PDCD5: variants seen among roughly 807,000 people sequenced by gnomAD.
The protein encoded by PDCD5 is programmed cell death 5.
PDCD5 carries 23 observed loss-of-function variants against 21.9 expected under a neutral mutation model. The observed-to-expected ratio is 1.05, with a 90% CI of 0.76 to 1.49. PDCD5 has a LOEUF of 1.49. Among genes scored for constraint, PDCD5 ranks in the 40% most tolerant of loss-of-function variants. The pLI, the probability that PDCD5 is intolerant of heterozygous loss-of-function variation, is 0.00. For synonymous variants in PDCD5, 45 were observed against 49.4 expected, an observed-to-expected ratio of 0.91 and a Z score of 0.37; for missense variants, 152 against 147.7, an observed-to-expected ratio of 1.03 and a Z score of -0.15.
chr19:32,584,864 C>G (rs1882333379), intron 2 of PDCD5, 86 bp from the exon 3 acceptor site: 1 of 1,023,080 alleles, frequency 9.8e-7, no homozygotes, highest in Non-Finnish European at 1.6e-6. Context: ...TGTGGAGACA[C>G]ATACTGGATG....
In PDCD5 at chr19:32,586,871, G is replaced by T; in HGVS notation, c.272G>T (p.Gly91Val). 6.2e-7 allele frequency: 1 copy of T among 1,612,076 alleles called. No individual in the cohort carries two copies. ...TGGTTCTCCTAGGTATCAGAACAAG[G>T]TTTAATAGAAATCCTTAAAAAAGTA... ...GQLSEKVSEQ[G>V]LIEILKKVSQ... The change falls in exon 5 of 6, where the codon GGT (glycine) becomes GTT (valine). Residue 91 changes from glycine (G) to valine (V), a missense_variant. Gly to Val is a moderately radical substitution (Grantham distance 109). Transcript: ENST00000590247.
rs1971483279 is a variant in PDCD5 at position 32,586,942 on chromosome 19, A to G, written c.330+13A>G. 1 of 1,590,176 alleles carries G rather than the reference A, an allele frequency of 6.3e-7. No homozygotes were observed. Among genetic ancestry groups the G allele is most frequent in the African/African-American group, 1.4e-5 (1 of 73,950 alleles). On this transcript the variant is annotated intron_variant, in intron 5 of 5. Coordinates refer to ENST00000590247, the MANE Select transcript of PDCD5 (RefSeq NM_004708.4). ...AACAACAGTGAAAGTAAGTGTCCCC[A>G]GATGCTTGTGGCAAATGAAAAGATG... is the stretch of plus-strand genomic sequence containing the variant.
At chr19:32,581,427 C>T (rs1020823439) in intron 1 of PDCD5, 100 bp downstream of exon 1, 1 of 718,846 alleles carries the variant, frequency 1.4e-6, no homozygotes, top group Non-Finnish European at 2.0e-6. Flanking sequence ...GGCGCCTCCC[C>T]GGGGCCCCGG....
chr19:32,581,201 C>A lies in PDCD5; in HGVS notation c.-61C>A. ...GCGAGCGCCTGCGCAGTGGTCAAGG[C>A]CGCGCTCGCGCCGAGGGGCTGCGAG... On this transcript the variant is annotated 5_prime_UTR_variant, in exon 1 of 6. Transcript: ENST00000590247. 4 of 1,287,870 alleles carry A rather than the reference C, an allele frequency of 3.1e-6. No individual in the cohort carries two copies. Among genetic ancestry groups the A allele is most frequent in the Admixed American group, 2.5e-5 (1 of 39,500 alleles). The allele number at this position is 1,287,870 out of a possible 1,614,324, so 79.8% of individuals were successfully genotyped here. A position where few individuals can be genotyped will look rare whatever the true frequency, so the allele number is the denominator to read the frequency against.
intron 2 of PDCD5, among the ~76,000 whole-genome samples, chr19:32,583,047 T>G (rs896128991): frequency 6.6e-6 from 1 of 152,180 alleles, no homozygotes; most frequent in Non-Finnish European, 1.5e-5. Context: ...AGGATGCCTT[T>G]TAAAACAGAT....
Position 32,586,779 on chromosome 19 carries a change from T to C in PDCD5, c.259-79T>C. 6 of 1,538,640 alleles carry C rather than the reference T, an allele frequency of 3.9e-6. No individual in the cohort carries two copies. In the South Asian group the frequency reaches 6.5e-5, roughly 17 times the overall value. ...CTCTTTCCCCACACCTCAAAAAGAG[T>C]ACAAAGTGATTCCATCTGCAGAGGT... On this transcript the variant is annotated intron_variant, in intron 4 of 5. Coordinates refer to ENST00000590247, the MANE Select transcript of PDCD5 (RefSeq NM_004708.4).
intron 1 of PDCD5, chr19:32,581,595 C>T (rs1971426622): frequency 3.0e-6 from 1 of 333,872 alleles, no homozygotes; most frequent in Non-Finnish European, 5.4e-6. Context: ...GCGGGCTCGT[C>T]CTGGCGGGCC....
rs373773625 is a variant in PDCD5, at chr19:32,582,068, TTTC to T, written c.67-124_67-122del. 586 of 697,774 alleles carry T rather than the reference TTTC, an allele frequency of 8.4e-4. 2 individuals carry two copies. The African/African-American group carries it at 9.5e-3, about 11-fold the overall frequency. 43.2% of individuals were successfully genotyped at this position (697,774 alleles called of 1,614,324 possible). A position where few individuals can be genotyped will look rare whatever the true frequency, so the allele number is the denominator to read the frequency against. Reference sequence around the variant, plus strand: ...GTTCATTGATTTCTGTGAGGCCCAGTTTCTTATTTGGGGAGTTGTTTCTACCAC... The same window carrying T: ...GTTCATTGATTTCTGTGAGGCCCAGTTTATTTGGGGAGTTGTTTCTACCAC... On this transcript the variant is annotated intron_variant, in intron 1 of 5. Transcript: ENST00000590247.
chr19:32,582,782 T>G (rs1971441148), intron 2 of PDCD5, among the ~76,000 whole-genome samples: 2 of 152,218 alleles, frequency 1.3e-5, no homozygotes, highest in South Asian at 4.1e-4. Context: ...GTTTTCATCT[T>G]GCAAGACTGA....
At chr19:32,586,994 T>C (rs772864560) in intron 5 of PDCD5, 65 bp downstream of exon 5, 321 of 1,287,580 alleles carry the variant, frequency 2.5e-4, no homozygotes, top group Non-Finnish European at 3.4e-4. Context: ...ATGTTGAGTA[T>C]ACATCTACCA....
At position 32,586,867 on chromosome 19, in the gene PDCD5, C is replaced by T. The variant is rs749488733; in HGVS notation, c.268C>T (p.Gln90Ter). Residue 90 changes from glutamine to a stop codon, truncating the protein, a stop_gained, in exon 5 of 6, where the codon CAA becomes TAA. Transcript: ENST00000590247. LOFTEE classifies it high-confidence loss of function. ...YGQLSEKVSE[Q>*]GLIEILKKVS... ...TTTCTGGTTCTCCTAGGTATCAGAA[C>T]AAGGTTTAATAGAAATCCTTAAAAA... is the stretch of plus-strand genomic sequence containing the variant. The T allele has an allele frequency of 6.2e-7, 1 of 1,609,274 alleles. No individual in the cohort carries two copies. Among genetic ancestry groups the T allele is most frequent in the East Asian group, 2.2e-5 (1 of 44,814 alleles).
intron 5 of PDCD5, 141 bp from the exon 6 acceptor site, chr19:32,587,112 C>T (rs1018356048): frequency 8.9e-5 from 71 of 798,192 alleles, no homozygotes; most frequent in Non-Finnish European, 1.4e-4. Context: ...AGGCTCTTGA[C>T]TCCATTCCCA....
chr19:32,586,398 C>T (rs1599723391), intron 4 of PDCD5: 5 of 1,188,758 alleles, frequency 4.2e-6, no homozygotes, highest in African/African-American at 1.6e-5. Flanking sequence ...CCGAATTGGT[C>T]CTGTCCCCTA....
chr19:32,586,095 C>G, intron 4 of PDCD5, 188 bp downstream of exon 4: 1 of 1,534,708 alleles, frequency 6.5e-7, no homozygotes, highest in South Asian at 1.2e-5. Flanking sequence ...CTGCTTCGCT[C>G]CTTTCCTGGC....
chr19:32,584,178 C>T (rs955151050), intron 2 of PDCD5, among the ~76,000 whole-genome samples: 5 of 152,102 alleles, frequency 3.3e-5, no homozygotes, highest in African/African-American at 1.2e-4. Context: ...GTACTCAAAC[C>T]ATAAAGAAGT....
At chr19:32,584,872 A>G (rs1465459011) in intron 2 of PDCD5, 78 bp from the exon 3 acceptor site, 1 of 1,119,766 alleles carries the variant, frequency 8.9e-7, no homozygotes. Context: ...CACATACTGG[A>G]TGGGTTCTTT....
chr19:32,581,604 C>G (rs972045373), intron 1 of PDCD5: 4 of 328,700 alleles, frequency 1.2e-5, no homozygotes, highest in African/African-American at 8.6e-5. Context: ...TCCTGGCGGG[C>G]CTGGATCCAA....
chr19:32,586,519 G>A (rs1234283787), intron 4 of PDCD5: 1 of 1,108,138 alleles, frequency 9.0e-7, no homozygotes, highest in Non-Finnish European at 1.1e-6. Flanking sequence ...GGCAGAAGTG[G>A]TGTGTCTATT....
In PDCD5 at chr19:32,586,295, T is replaced by G. The variant is rs1048944777; in HGVS notation, c.258+388T>G. 17 of 1,378,440 alleles carry G rather than the reference T, an allele frequency of 1.2e-5. No individual in the cohort carries two copies. In the African/African-American group the frequency reaches 2.3e-4, roughly 19 times the overall value. 85.4% of individuals were successfully genotyped at this position (1,378,440 alleles called of 1,614,324 possible). On this transcript the variant is annotated intron_variant, in intron 4 of 5. Transcript: ENST00000590247. ...GCTTATGTTCTCTGTGTTGCTGTAA[T>G]ACCATGAGGGGTATGTTGTGGCAAA...
Sources: gnomAD v4.1 joint callset for allele counts (sites outside exome capture counted in the v4.1 genomes callset) on GRCh38, gnomAD v4.1.1 for gene constraint, MANE v1.5 for transcripts, NCBI Gene and HGNC (gene_info 2026-07-23, HGNC 2026-07-21) for gene names.